Variants in SMYD3 observed in about 807,000 individuals in gnomAD.
The protein encoded by SMYD3 is SET and MYND domain containing 3.
Under a neutral mutation model 57.7 loss-of-function variants are expected in SMYD3, and 36 were observed. The ratio of observed to expected loss-of-function variants is 0.62; its 90% CI spans 0.48 to 0.82. The LOEUF (loss-of-function observed/expected upper bound fraction) is 0.82, where lower values mean the gene tolerates loss of function less well. SMYD3 is among the 40% of genes least tolerant of loss of function. The pLI is 0.00. For synonymous variants in SMYD3, 211 were observed against 195.0 expected (o/e 1.08, Z -0.68); for missense variants, 515 against 538.8 (o/e 0.96, Z 0.44).
intron 1 of SMYD3, among the ~76,000 whole-genome samples, chr1:246,503,746 T>G: frequency 6.6e-6 from 1 of 152,114 alleles, no homozygotes. Flanking sequence ...GTAGATCACC[T>G]GAGGTCAGGA....
At chr1:246,468,024 G>A (rs968156251) in intron 1 of SMYD3, among the ~76,000 whole-genome samples, 2 of 151,936 alleles carry the variant, frequency 1.3e-5, no homozygotes, top group Non-Finnish European at 2.9e-5. Context: ...AGGCGGGCGT[G>A]GTGGCACATG....
In SMYD3 at chr1:245,866,065, G is replaced by A. The variant is rs922136696; in HGVS notation, c.814-2179C>T. 2.6e-5 allele frequency among the ~76,000 whole-genome samples: 4 copies of A among 152,276 alleles called. No homozygotes were observed. In the East Asian group the frequency reaches 5.8e-4, roughly 22 times the overall value. On this transcript the variant is annotated intron_variant, in intron 8 of 11. Transcript: ENST00000490107. ...TCCCCCTGGAGACTGTCATGTGCCC[G>A]TTGAAGGAGGTTTATAGAACGACCC...
chr1:246,381,042 G>A (rs2066379362), intron 1 of SMYD3, among the ~76,000 whole-genome samples: 1 of 152,216 alleles, frequency 6.6e-6, no homozygotes, highest in Admixed American at 6.5e-5. Flanking sequence ...GGAAGGTGAG[G>A]TAATGGGGAG....
At chr1:246,053,497 C>T (rs2060095961) in intron 5 of SMYD3, among the ~76,000 whole-genome samples, 1 of 152,042 alleles carries the variant, frequency 6.6e-6, no homozygotes, top group African/African-American at 2.4e-5. Flanking sequence ...AGTCCAGAAA[C>T]AGGCCTACAC....
chr1:245,813,053 T>C (rs6605252), intron 10 of SMYD3, among the ~76,000 whole-genome samples: 125,660 of 139,012 alleles, frequency 0.9, 58,410 homozygotes, highest in East Asian at 1. Flanking sequence ...CTCGCTCTGT[T>C]GCCCAGGCTG....
At chr1:245,875,955 T>C (rs2148531010) in intron 8 of SMYD3, among the ~76,000 whole-genome samples, 1 of 152,342 alleles carries the variant, frequency 6.6e-6, no homozygotes. Context: ...CAGACCTTCA[T>C]TCAGAGGACT....
At chr1:246,015,982 T>G (rs754890433) in intron 5 of SMYD3, among the ~76,000 whole-genome samples, 29 of 152,150 alleles carry the variant, frequency 1.9e-4, no homozygotes, top group Admixed American at 4.6e-4. Context: ...AGAGAGCATT[T>G]TGAAATGTGA....
At chr1:246,248,729 T>TCTC (rs2063751191) in intron 5 of SMYD3, among the ~76,000 whole-genome samples, 1 of 146,926 alleles carries the variant, frequency 6.8e-6, no homozygotes, top group Admixed American at 7.0e-5. Flanking sequence ...GCAAGCTCTG[T>TCTC]CTCCCGGGTT....
chr1:245,891,908 T>C lies in SMYD3; in HGVS notation c.813+23622A>G, dbSNP rs534689717. 9.9e-5 allele frequency among the ~76,000 whole-genome samples: 15 copies of C among 152,262 alleles called. No individual in the cohort carries two copies. In the East Asian group the frequency reaches 2.7e-3, roughly 27 times the overall value. On this transcript the variant is annotated intron_variant, in intron 8 of 11. Transcript: ENST00000490107. ...AATATTTTTAAAAATTAGCAGGGCATGGTGGCACACGCCTGTAGCCCCAGC... is the reference window on the plus strand; with the variant it reads ...AATATTTTTAAAAATTAGCAGGGCACGGTGGCACACGCCTGTAGCCCCAGC...
At chr1:246,012,651 C>T (rs992095021) in intron 5 of SMYD3, among the ~76,000 whole-genome samples, 1 of 152,122 alleles carries the variant, frequency 6.6e-6, no homozygotes, top group Non-Finnish European at 1.5e-5. Flanking sequence ...CTACTCTCCC[C>T]ATACCCACGC....
At chr1:245,764,377 A>C (rs1335795915) in intron 10 of SMYD3, among the ~76,000 whole-genome samples, 7 of 151,144 alleles carry the variant, frequency 4.6e-5, no homozygotes, top group Admixed American at 4.6e-4. Context: ...AAATGACAGG[A>C]CTAGAAGGTC....
chr1:246,292,714 C>T (rs1176197849), intron 5 of SMYD3, among the ~76,000 whole-genome samples: 2 of 152,146 alleles, frequency 1.3e-5, no homozygotes, highest in African/African-American at 2.4e-5. Flanking sequence ...AAACAGAAGA[C>T]CATGAACACG....
chr1:246,287,154 G>A (rs1156520532), intron 5 of SMYD3, among the ~76,000 whole-genome samples: 1 of 152,124 alleles, frequency 6.6e-6, no homozygotes, highest in Non-Finnish European at 1.5e-5. Flanking sequence ...TTATAGGCGT[G>A]AGCCACAGTG....
At chr1:245,906,946 T>C (rs2054604678) in intron 8 of SMYD3, among the ~76,000 whole-genome samples, 1 of 152,232 alleles carries the variant, frequency 6.6e-6, no homozygotes, top group Non-Finnish European at 1.5e-5. Flanking sequence ...TCACACGTTC[T>C]TATTTATTTA....
intron 1 of SMYD3, among the ~76,000 whole-genome samples, chr1:246,379,648 A>G (rs1234106485): frequency 1.3e-5 from 2 of 152,234 alleles, no homozygotes; most frequent in East Asian, 3.8e-4. Context: ...CCAAATATGA[A>G]TACAATAACA....
At chr1:246,363,792 C>T (rs1229684349) in intron 1 of SMYD3, among the ~76,000 whole-genome samples, 3 of 151,978 alleles carry the variant, frequency 2.0e-5, no homozygotes, top group East Asian at 1.9e-4. Context: ...TGCGGAAGGC[C>T]GCAGGGTCCT....
chr1:246,281,495 A>T (rs892594579), intron 5 of SMYD3, among the ~76,000 whole-genome samples: 1 of 152,170 alleles, frequency 6.6e-6, no homozygotes, highest in Non-Finnish European at 1.5e-5. Flanking sequence ...TACTGATCAT[A>T]TCATACCGCA....
chr1:246,141,431 C>T (rs1470968388), intron 5 of SMYD3, among the ~76,000 whole-genome samples: 16 of 151,922 alleles, frequency 1.1e-4, no homozygotes, highest in East Asian at 9.6e-4. Context: ...ATCATTTGTA[C>T]GGATATTCAA....
intron 8 of SMYD3, among the ~76,000 whole-genome samples, chr1:245,878,538 G>A (rs1450989282): frequency 2.0e-5 from 3 of 152,338 alleles, no homozygotes; most frequent in South Asian, 2.1e-4. Context: ...AAGTTGAGAT[G>A]GGCTTTATGT....
Sources: allele counts gnomAD v4.1 joint callset (sites outside exome capture counted in the v4.1 genomes callset), GRCh38; gene constraint gnomAD v4.1.1; transcripts MANE v1.5; gene names NCBI Gene and HGNC (gene_info 2026-07-23, HGNC 2026-07-21).